ADAMTSL1: variants seen among roughly 807,000 people sequenced by gnomAD.
ADAMTSL1 encodes the protein ADAMTS-like protein 1.
Under a neutral mutation model 201.8 loss-of-function variants are expected in ADAMTSL1, and 126 were observed. That is an observed-to-expected ratio of 0.62 (90% confidence interval 0.54 to 0.72). The LOEUF is 0.72. ADAMTSL1 is among the 30% of genes least tolerant of loss of function. ADAMTSL1 has a pLI of 0.00. For synonymous variants in ADAMTSL1, 1,121 were observed against 903.4 expected, an observed-to-expected ratio of 1.24 and a Z score of -4.32; for missense variants, 2,679 against 2,277.8, an observed-to-expected ratio of 1.18 and a Z score of -3.59.
chr9:17,910,880 G>C (rs1370699700), intron 1 of ADAMTSL1, among the ~76,000 whole-genome samples: 1 of 68,762 alleles, frequency 1.5e-5, no homozygotes, highest in African/African-American at 2.9e-5. Context: ...GCCAGTGCCA[G>C]ATGATTTGAA....
intron 4 of ADAMTSL1, among the ~76,000 whole-genome samples, chr9:18,611,271 C>T (rs11793774): frequency 1.1e-4 from 17 of 152,238 alleles, no homozygotes; most frequent in African/African-American, 3.1e-4. Flanking sequence ...GTCTGAGAGA[C>T]AGAAGCAAGG....
At chr9:18,308,336 C>T (rs1397041017) in intron 2 of ADAMTSL1, among the ~76,000 whole-genome samples, 1 of 151,946 alleles carries the variant, frequency 6.6e-6, no homozygotes, top group Non-Finnish European at 1.5e-5. Flanking sequence ...CAAGAAATTA[C>T]TAAGATCAGA....
intron 1 of ADAMTSL1, among the ~76,000 whole-genome samples, chr9:18,115,035 G>A (rs957204592): frequency 6.6e-6 from 1 of 152,008 alleles, no homozygotes; most frequent in Non-Finnish European, 1.5e-5. Context: ...TGCCTGGAAG[G>A]GATTCTACTT....
chr9:18,352,945 G>A (rs1260306806), intron 2 of ADAMTSL1, among the ~76,000 whole-genome samples: 1 of 152,120 alleles, frequency 6.6e-6, no homozygotes, highest in Non-Finnish European at 1.5e-5. Flanking sequence ...CCCATTAGAG[G>A]CCCTTAATAC....
intron 24 of ADAMTSL1, among the ~76,000 whole-genome samples, chr9:18,888,854 AT>A (rs796381628): frequency 7.2e-5 from 11 of 152,348 alleles, no homozygotes; most frequent in African/African-American, 2.4e-4. Flanking sequence ...CTCCTTCACC[AT>A]TTGGCTTTTC....
chr9:18,850,189 C>T (rs1428985922), intron 23 of ADAMTSL1, among the ~76,000 whole-genome samples: 1 of 152,190 alleles, frequency 6.6e-6, no homozygotes, highest in Non-Finnish European at 1.5e-5. Flanking sequence ...ACACTTGCTC[C>T]TGCCCTTTCC....
At chr9:18,132,096 G>A (rs1825976735) in intron 1 of ADAMTSL1, among the ~76,000 whole-genome samples, 1 of 151,904 alleles carries the variant, frequency 6.6e-6, no homozygotes, top group South Asian at 2.1e-4. Flanking sequence ...TGCCCTACCA[G>A]CCCAGAAACA....
At chr9:18,579,190 T>C (rs1323196146) in intron 4 of ADAMTSL1, among the ~76,000 whole-genome samples, 1 of 150,490 alleles carries the variant, frequency 6.6e-6, no homozygotes, top group African/African-American at 2.4e-5. Context: ...TTCATGTCCT[T>C]TGTAGGGACA....
rs571183110 is a variant in ADAMTSL1 at position 18,565,780 on chromosome 9, T to C, written c.238-8250T>C. On this transcript the variant is annotated intron_variant, in intron 3 of 28. Transcript: ENST00000380548. ...CTGTCTAGACAGGGCAGCAACTATG[T>C]CTGTTTAATTTCATTTTACATAGCA... is the stretch of plus-strand genomic sequence containing the variant. 4.6e-5 allele frequency among the ~76,000 whole-genome samples: 7 copies of C among 152,314 alleles called. No individual in the cohort carries two copies. The East Asian group carries it at 9.6e-4, about 21-fold the overall frequency.
chr9:18,145,502 C>G (rs1273135893), intron 1 of ADAMTSL1, among the ~76,000 whole-genome samples: 1 of 152,096 alleles, frequency 6.6e-6, no homozygotes, highest in Non-Finnish European at 1.5e-5. Context: ...TTCACTCTAC[C>G]AATTTTAAAA....
chr9:18,889,494 CCTGCT>C, intron 24 of ADAMTSL1, 69 bp from the exon 25 acceptor site: 1 of 1,522,896 alleles, frequency 6.6e-7, no homozygotes, highest in Middle Eastern at 1.7e-4. Flanking sequence ...TTCTCCCTGC[CCTGCT>C]CAGAAGGAAT....
intron 9 of ADAMTSL1, among the ~76,000 whole-genome samples, chr9:18,671,725 AG>A (rs1247073220): frequency 6.6e-6 from 1 of 152,144 alleles, no homozygotes; most frequent in Non-Finnish European, 1.5e-5. Flanking sequence ...AAACCATGAA[AG>A]GATCTCTTTA....
chr9:18,678,340 G>C (rs1466782452), intron 10 of ADAMTSL1, among the ~76,000 whole-genome samples: 1 of 151,998 alleles, frequency 6.6e-6, no homozygotes, highest in Non-Finnish European at 1.5e-5. Flanking sequence ...CTCCTGACAT[G>C]CTCTCTCTCA....
chr9:18,268,898 TA>T (rs1279245582), intron 2 of ADAMTSL1, among the ~76,000 whole-genome samples: 1 of 152,118 alleles, frequency 6.6e-6, no homozygotes, highest in Non-Finnish European at 1.5e-5. Flanking sequence ...TCAAATTCCT[TA>T]AAAAATGAAC....
intron 2 of ADAMTSL1, among the ~76,000 whole-genome samples, chr9:18,231,208 T>C (rs1830635255): frequency 6.6e-6 from 1 of 152,180 alleles, no homozygotes; most frequent in Admixed American, 6.5e-5. Flanking sequence ...TCTGTACCCC[T>C]TGGTACCAAA....
chr9:18,395,506 G>T (rs141795244), intron 2 of ADAMTSL1, among the ~76,000 whole-genome samples: 1 of 152,168 alleles, frequency 6.6e-6, no homozygotes, highest in Non-Finnish European at 1.5e-5. Context: ...AAGCCTTGAG[G>T]ATTTGCACTT....
intron 2 of ADAMTSL1, among the ~76,000 whole-genome samples, chr9:18,287,028 T>C (rs1833016203): frequency 6.6e-6 from 1 of 152,174 alleles, no homozygotes; most frequent in Non-Finnish European, 1.5e-5. Context: ...AAATTCTCAG[T>C]GCCCTACACT....
At chr9:18,853,833 T>TAA (rs933947573) in intron 23 of ADAMTSL1, among the ~76,000 whole-genome samples, 1 of 152,080 alleles carries the variant, frequency 6.6e-6, no homozygotes, top group Non-Finnish European at 1.5e-5. Flanking sequence ...AGCAAAGAGA[T>TAA]AAGTTCCTGT....
chr9:18,623,635 A>G (rs1312393231), intron 5 of ADAMTSL1, among the ~76,000 whole-genome samples: 1 of 152,192 alleles, frequency 6.6e-6, no homozygotes, highest in Non-Finnish European at 1.5e-5. Context: ...TTGAGTCATT[A>G]ATCTGAGGCA....
Sources: allele counts gnomAD v4.1 joint callset (sites outside exome capture counted in the v4.1 genomes callset), GRCh38; gene constraint gnomAD v4.1.1; transcripts MANE v1.5; gene names NCBI Gene and HGNC (gene_info 2026-07-23, HGNC 2026-07-21).